The following BCKDHB variants were observed in gnomAD, a reference collection of about 807,000 sequenced individuals.
BCKDHB encodes branched chain keto acid dehydrogenase E1 subunit beta, also known as 2-oxoisovalerate dehydrogenase subunit beta, mitochondrial.
BCKDHB carries 41 observed loss-of-function variants against 48.5 expected under a neutral mutation model. The observed-to-expected ratio is 0.85, with a 90% CI of 0.66 to 1.10. BCKDHB has a LOEUF of 1.10. Among genes scored for constraint, BCKDHB ranks in the 50% least tolerant of loss-of-function variants. BCKDHB has a pLI of 0.00. For missense variants in BCKDHB, 496 were observed against 494.2 expected (o/e 1.00, Z -0.03); for synonymous variants, 201 against 174.8 (o/e 1.15, Z -1.18).
chr6:80,280,179 C>T (rs1778138933), intron 9 of BCKDHB, among the ~76,000 whole-genome samples: 1 of 152,096 alleles, frequency 6.6e-6, no homozygotes, highest in Non-Finnish European at 1.5e-5. Context: ...ATAGATATGA[C>T]AGAGTAAAGC....
At chr6:80,397,720 A>C in the BCKDHB span, among the ~76,000 whole-genome samples, 1 of 152,248 alleles carries the variant, frequency 6.6e-6, no homozygotes, top group East Asian at 1.9e-4. Flanking sequence ...CATCTCTACT[A>C]AAAATACAAA....
chr6:80,328,620 G>A (rs1448168160), intron 9 of BCKDHB, among the ~76,000 whole-genome samples: 1 of 152,114 alleles, frequency 6.6e-6, no homozygotes, highest in Non-Finnish European at 1.5e-5. Flanking sequence ...GAATCTAAGG[G>A]AAAACAAATA....
the BCKDHB span, among the ~76,000 whole-genome samples, chr6:80,372,478 G>C: frequency 6.6e-6 from 1 of 152,030 alleles, no homozygotes; most frequent in Non-Finnish European, 1.5e-5. Context: ...AGGACTTTCA[G>C]TACTATGTTG....
chr6:80,124,997 A>G (rs537127752), intron 1 of BCKDHB, among the ~76,000 whole-genome samples: 3 of 152,338 alleles, frequency 2.0e-5, no homozygotes, highest in African/African-American at 7.2e-5. Flanking sequence ...CTTTGAAGCC[A>G]GGCATTGACT....
chr6:80,194,988 C>G (rs1453937312), intron 6 of BCKDHB, among the ~76,000 whole-genome samples: 1 of 152,104 alleles, frequency 6.6e-6, no homozygotes, highest in African/African-American at 2.4e-5. Context: ...CTGGTTTATT[C>G]CCTTGGGACA....
the BCKDHB span, chr6:80,441,152 A>C: frequency 2.0e-5 from 3 of 152,232 alleles, no homozygotes; most frequent in Non-Finnish European, 2.9e-5. Context: ...CTTTAAAGGC[A>C]GAGAAGAAAC....
chr6:80,198,866 C>T (rs772443773), intron 6 of BCKDHB, among the ~76,000 whole-genome samples: 1 of 152,124 alleles, frequency 6.6e-6, no homozygotes, highest in Non-Finnish European at 1.5e-5. Context: ...AAATTACTCA[C>T]AGATTTCTGG....
At chr6:80,351,319 T>C in the BCKDHB span, among the ~76,000 whole-genome samples, 2 of 152,154 alleles carry the variant, frequency 1.3e-5, no homozygotes, top group South Asian at 4.1e-4. Context: ...TCTATGTGTG[T>C]GTGTATATAT....
At chr6:80,449,472 G>A in the BCKDHB span, among the ~76,000 whole-genome samples, 6 of 152,034 alleles carry the variant, frequency 3.9e-5, no homozygotes, top group African/African-American at 1.4e-4. Context: ...AAATTCTCAA[G>A]TAAGTAAAAA....
intron 8 of BCKDHB, among the ~76,000 whole-genome samples, chr6:80,264,128 A>G (rs111997764): frequency 1.3e-5 from 2 of 152,304 alleles, no homozygotes; most frequent in African/African-American, 4.8e-5. Context: ...GTTACTTATC[A>G]CTTAAAATAA....
At chr6:80,390,898 TA>T in the BCKDHB span, among the ~76,000 whole-genome samples, 580 of 152,236 alleles carry the variant, frequency 3.8e-3, 7 homozygotes, top group African/African-American at 0.014. Flanking sequence ...GACCCACCCT[TA>T]ATCGAGTGGG....
intron 6 of BCKDHB, among the ~76,000 whole-genome samples, chr6:80,194,751 C>CGT (rs1562125676): frequency 6.6e-6 from 1 of 152,088 alleles, no homozygotes; most frequent in African/African-American, 2.4e-5. Flanking sequence ...GAATATGTAC[C>CGT]CCACTGCTAA....
chr6:80,343,282 G>A (rs1268049954), intron 9 of BCKDHB, among the ~76,000 whole-genome samples: 2 of 152,180 alleles, frequency 1.3e-5, no homozygotes, highest in East Asian at 1.9e-4. Flanking sequence ...TGTATAAAAT[G>A]TGAGAAAAAC....
intron 3 of BCKDHB, among the ~76,000 whole-genome samples, chr6:80,135,091 A>G (rs1562075652): frequency 6.6e-6 from 1 of 152,104 alleles, no homozygotes; most frequent in Non-Finnish European, 1.5e-5. Context: ...GGTGTTAGCA[A>G]AATCTTTGCT....
chr6:80,442,636 G>T, the BCKDHB span, among the ~76,000 whole-genome samples: 1 of 152,124 alleles, frequency 6.6e-6, no homozygotes, highest in Non-Finnish European at 1.5e-5. Context: ...AGAGGATAGA[G>T]AAGAGAGAAA....
the BCKDHB span, among the ~76,000 whole-genome samples, chr6:80,379,933 A>G: frequency 6.6e-6 from 1 of 152,098 alleles, no homozygotes; most frequent in Non-Finnish European, 1.5e-5. Flanking sequence ...AATAAATTGT[A>G]GCTGGCCCAA....
chr6:80,119,883 T>C (rs1031421569), intron 1 of BCKDHB, among the ~76,000 whole-genome samples: 1 of 152,064 alleles, frequency 6.6e-6, no homozygotes, highest in African/African-American at 2.4e-5. Context: ...TTTTTCATTA[T>C]ACTTTAAGTT....
At chr6:80,274,493 A>G (rs1777888436) in intron 9 of BCKDHB, among the ~76,000 whole-genome samples, 1 of 151,984 alleles carries the variant, frequency 6.6e-6, no homozygotes, top group South Asian at 2.1e-4. Context: ...ATTTCAAGCC[A>G]GAGGCAAAAC....
chr6:80,253,965 T>G (rs1776943665), intron 8 of BCKDHB, among the ~76,000 whole-genome samples: 1 of 151,936 alleles, frequency 6.6e-6, no homozygotes, highest in African/African-American at 2.4e-5. Flanking sequence ...AAGCAACATT[T>G]CATAATAAAT....
Sources: gnomAD v4.1 joint callset for allele counts (sites outside exome capture counted in the v4.1 genomes callset) on GRCh38, gnomAD v4.1.1 for gene constraint, MANE v1.5 for transcripts, NCBI Gene and HGNC (gene_info 2026-07-23, HGNC 2026-07-21) for gene names.